The following LUZP2 variants were observed in gnomAD, a reference collection of about 807,000 sequenced individuals.
The protein encoded by LUZP2 is leucine zipper protein 2.
LUZP2 carries 52 observed loss-of-function variants against 51.6 expected under a neutral mutation model. The ratio of observed to expected loss-of-function variants is 1.01; its 90% confidence interval spans 0.81 to 1.27. The LOEUF is 1.27. Among genes scored for constraint, LUZP2 ranks in the 50% most tolerant of loss-of-function variants. LUZP2 has a pLI of 0.00. For synonymous variants in LUZP2, 154 were observed against 137.3 expected (o/e 1.12, Z -0.85); for missense variants, 436 against 395.4 (o/e 1.10, Z -0.87).
intron 1 of LUZP2, among the ~76,000 whole-genome samples, chr11:24,561,707 G>C (rs1852046537): frequency 6.6e-6 from 1 of 151,910 alleles, no homozygotes; most frequent in African/African-American, 2.4e-5. Flanking sequence ...AGCATTAGGA[G>C]AAATACCTAA....
chr11:24,610,075 A>G (rs1356550279), intron 1 of LUZP2, among the ~76,000 whole-genome samples: 3 of 152,208 alleles, frequency 2.0e-5, no homozygotes, highest in East Asian at 3.9e-4. Flanking sequence ...CAATCACTCA[A>G]ATAAACTCAC....
chr11:24,642,768 G>T (rs914080948), intron 1 of LUZP2, among the ~76,000 whole-genome samples: 8 of 151,588 alleles, frequency 5.3e-5, no homozygotes, highest in East Asian at 1.9e-4. Flanking sequence ...AGAGAAAGTG[G>T]TTTTTCTTTT....
intron 5 of LUZP2, among the ~76,000 whole-genome samples, chr11:24,788,790 C>A (rs773349960): frequency 4.6e-5 from 7 of 152,102 alleles, no homozygotes; most frequent in Non-Finnish European, 7.3e-5. Flanking sequence ...AGTGCATCTG[C>A]TGCTGAATTC....
intron 1 of LUZP2, among the ~76,000 whole-genome samples, chr11:24,534,857 C>T (rs893756531): frequency 8.6e-5 from 13 of 151,116 alleles, no homozygotes; most frequent in African/African-American, 3.2e-4. Flanking sequence ...TTTTGTGGTC[C>T]TTGGCAATGC....
At chr11:24,579,283 T>A (rs7105368) in intron 1 of LUZP2, among the ~76,000 whole-genome samples, 27,988 of 151,984 alleles carry the variant, frequency 0.18, 2,947 homozygotes, top group African/African-American at 0.28. Context: ...TTTTAAAAAG[T>A]TATTAATTTT....
intron 7 of LUZP2, among the ~76,000 whole-genome samples, chr11:24,963,919 C>A (rs1318778084): frequency 6.6e-6 from 1 of 152,124 alleles, no homozygotes; most frequent in Non-Finnish European, 1.5e-5. Context: ...CTCCTCCCCT[C>A]CAGGTTGATG....
chr11:24,751,621 T>C (rs2134009753), intron 4 of LUZP2: 1 of 978,620 alleles, frequency 1.0e-6, no homozygotes, highest in African/African-American at 1.8e-5. Flanking sequence ...CAAAGTTTTC[T>C]ATCCTGGGTT....
intron 1 of LUZP2, among the ~76,000 whole-genome samples, chr11:24,591,108 C>G (rs1853243609): frequency 6.6e-6 from 1 of 151,966 alleles, no homozygotes; most frequent in South Asian, 2.1e-4. Context: ...GCCCCAATCC[C>G]TTAAAAAATA....
intron 7 of LUZP2, among the ~76,000 whole-genome samples, chr11:24,917,820 T>A (rs1400090829): frequency 1.3e-5 from 2 of 152,160 alleles, no homozygotes; most frequent in African/African-American, 4.8e-5. Flanking sequence ...CAATGCGGGC[T>A]CTTTTTTGGT....
At chr11:24,604,182 G>C (rs1853834803) in intron 1 of LUZP2, among the ~76,000 whole-genome samples, 1 of 151,784 alleles carries the variant, frequency 6.6e-6, no homozygotes, top group African/African-American at 2.4e-5. Flanking sequence ...TATCTTAACA[G>C]TGTAGTCTGC....
At chr11:24,927,477 G>T (rs1854314814) in intron 7 of LUZP2, among the ~76,000 whole-genome samples, 1 of 150,526 alleles carries the variant, frequency 6.6e-6, no homozygotes, top group Non-Finnish European at 1.5e-5. Flanking sequence ...CTATTATGTG[G>T]CTTATTTGTA....
chr11:24,721,217 G>C (rs1165618432), intron 1 of LUZP2, among the ~76,000 whole-genome samples: 2 of 152,128 alleles, frequency 1.3e-5, no homozygotes, highest in Non-Finnish European at 2.9e-5. Flanking sequence ...AAGGGAGAAA[G>C]GAATTGTTAG....
intron 7 of LUZP2, among the ~76,000 whole-genome samples, chr11:24,963,114 C>T (rs1266676178): frequency 6.6e-6 from 1 of 152,138 alleles, no homozygotes; most frequent in East Asian, 1.9e-4. Flanking sequence ...TCTGATCATT[C>T]TTCTGGAAGT....
intron 5 of LUZP2, among the ~76,000 whole-genome samples, chr11:24,883,820 T>C (rs1852572615): frequency 6.6e-6 from 1 of 152,066 alleles, no homozygotes; most frequent in Non-Finnish European, 1.5e-5. Flanking sequence ...AATTTGGAAA[T>C]ATGTAGAACT....
intron 7 of LUZP2, among the ~76,000 whole-genome samples, chr11:24,948,601 C>A (rs6484085): frequency 0.99 from 150,699 of 151,732 alleles, 74,854 homozygotes; most frequent in Middle Eastern, 1. Flanking sequence ...TGTTGTTTTA[C>A]AGTATATGAT....
intron 5 of LUZP2, among the ~76,000 whole-genome samples, chr11:24,879,062 G>T (rs1852368902): frequency 6.6e-6 from 1 of 152,008 alleles, no homozygotes; most frequent in Non-Finnish European, 1.5e-5. Flanking sequence ...CGGCTCCTGG[G>T]TTCACACCAT....
intron 7 of LUZP2, among the ~76,000 whole-genome samples, chr11:24,926,225 GTATA>G (rs1304428651): frequency 6.9e-6 from 1 of 145,802 alleles, no homozygotes; most frequent in Non-Finnish European, 1.5e-5. Flanking sequence ...ATATATACGT[GTATA>G]TATATATGTG....
intron 1 of LUZP2, among the ~76,000 whole-genome samples, chr11:24,538,248 A>G (rs1033720677): frequency 6.6e-6 from 1 of 151,920 alleles, no homozygotes; most frequent in Admixed American, 6.6e-5. Context: ...ATAATGAACT[A>G]CTAGATATAC....
intron 1 of LUZP2, among the ~76,000 whole-genome samples, chr11:24,604,234 T>A (rs1432224518): frequency 1.3e-5 from 2 of 151,808 alleles, no homozygotes; most frequent in African/African-American, 2.4e-5. Flanking sequence ...ATTATTTGAT[T>A]CATATTTTTA....
Sources: gnomAD v4.1 joint callset for allele counts (sites outside exome capture counted in the v4.1 genomes callset) on GRCh38, gnomAD v4.1.1 for gene constraint, MANE v1.5 for transcripts, NCBI Gene and HGNC (gene_info 2026-07-23, HGNC 2026-07-21) for gene names.